Variants in CLPB observed in about 807,000 individuals in gnomAD.
CLPB encodes the protein ClpB family mitochondrial disaggregase.
CLPB carries 40 observed loss-of-function variants against 78.4 expected under a neutral mutation model. That is an observed-to-expected ratio of 0.51 (90% CI 0.40 to 0.66). CLPB has a LOEUF of 0.66. Ranked by LOEUF, CLPB falls within the 30% of genes least tolerant of loss-of-function variation. The probability of loss-of-function intolerance (pLI) is 0.00; values close to 1 mark genes in which losing one functional copy is unlikely to be tolerated. For synonymous variants in CLPB, 333 were observed against 348.0 expected (o/e 0.96, Z 0.48); for missense variants, 780 against 886.9 (o/e 0.88, Z 1.53).
chr11:72,356,180 AG>A (rs1950709552), intron 5 of CLPB, among the ~76,000 whole-genome samples: 1 of 151,650 alleles, frequency 6.6e-6, no homozygotes, highest in Non-Finnish European at 1.5e-5. Flanking sequence ...GCTACTTGGG[AG>A]GCTGAAGGTA....
Position 72,293,363 on chromosome 11 carries a change from G to T in CLPB, c.*4C>A. On this transcript the variant is annotated 3_prime_UTR_variant, in exon 16 of 16. Coordinates refer to ENST00000538039, the MANE Select transcript of CLPB (RefSeq NM_001258392.3). ...GAGGGCACATAGGAGCAGGCAGGTG[G>T]CTGCTAGATGGTGTTGCACACCTTC... 6.2e-7 allele frequency: 1 copy of T among 1,611,864 alleles called. No individual in the cohort carries two copies. Among genetic ancestry groups the T allele is most frequent in the Non-Finnish European group, 8.5e-7 (1 of 1,178,158 alleles).
At chr11:72,387,472 C>T (rs1855112651) in intron 3 of CLPB, among the ~76,000 whole-genome samples, 1 of 152,126 alleles carries the variant, frequency 6.6e-6, no homozygotes, top group Non-Finnish European at 1.5e-5. Flanking sequence ...ATTGGGAAGA[C>T]AGCATGGCAT....
chr11:72,349,405 G>T (rs1950572859), intron 5 of CLPB, among the ~76,000 whole-genome samples: 2 of 152,194 alleles, frequency 1.3e-5, no homozygotes, highest in African/African-American at 4.8e-5. Context: ...AGGAGTCTGT[G>T]GTCCAAACCT....
At chr11:72,416,443 T>C (rs1856023994) in intron 2 of CLPB, among the ~76,000 whole-genome samples, 1 of 152,082 alleles carries the variant, frequency 6.6e-6, no homozygotes, top group South Asian at 2.1e-4. Flanking sequence ...AATGAATAAA[T>C]GCCAAAGAAT....
At chr11:72,297,655 G>GTGTGTGTGTC (rs1949577218) in intron 11 of CLPB, among the ~76,000 whole-genome samples, 1 of 96,788 alleles carries the variant, frequency 1.0e-5, no homozygotes, top group African/African-American at 7.3e-5. Context: ...GTGTGTGTGT[G>GTGTGTGTGTC]TGTGTGTGTG....
chr11:72,295,423 C>G (rs1949532444), intron 12 of CLPB, 69 bp downstream of exon 12: 1 of 1,564,220 alleles, frequency 6.4e-7, no homozygotes, highest in Non-Finnish European at 8.7e-7. Context: ...GGCCCCAATC[C>G]CATCCTTCCC....
intron 4 of CLPB, among the ~76,000 whole-genome samples, chr11:72,359,724 TC>T (rs1950797000): frequency 6.6e-6 from 1 of 152,208 alleles, no homozygotes; most frequent in African/African-American, 2.4e-5. Context: ...TGTGTGTGTA[TC>T]CCCTATAAAA....
At chr11:72,411,881 A>C (rs148269082) in intron 2 of CLPB, 1 of 152,384 alleles carries the variant, frequency 6.6e-6, no homozygotes, top group African/African-American at 2.4e-5. Context: ...TCCCACCTGC[A>C]TCAGAGGCCT....
At chr11:72,349,197 C>T (rs1378417216) in intron 5 of CLPB, among the ~76,000 whole-genome samples, 3 of 152,156 alleles carry the variant, frequency 2.0e-5, no homozygotes, top group Admixed American at 6.5e-5. Flanking sequence ...AATTGAAGCT[C>T]AGTACGGGGG....
chr11:72,339,597 TTC>T (rs1950382075), intron 5 of CLPB, among the ~76,000 whole-genome samples: 1 of 152,240 alleles, frequency 6.6e-6, no homozygotes, highest in Non-Finnish European at 1.5e-5. Flanking sequence ...CAGATTTTTT[TTC>T]AAGATTAATT....
intron 5 of CLPB, among the ~76,000 whole-genome samples, chr11:72,343,863 G>A (rs745815543): frequency 6.6e-6 from 1 of 152,168 alleles, no homozygotes; most frequent in Non-Finnish European, 1.5e-5. Context: ...GATCTTTATT[G>A]TGATACCCTG....
chr11:72,294,160 T>G (rs1949505003), intron 14 of CLPB, 34 bp from the exon 15 acceptor site: 1 of 1,608,634 alleles, frequency 6.2e-7, no homozygotes, highest in Non-Finnish European at 8.5e-7. Flanking sequence ...TGCCTGCATG[T>G]GGCCCACTGC....
At chr11:72,385,815 C>T (rs1430652136) in intron 3 of CLPB, among the ~76,000 whole-genome samples, 1 of 152,132 alleles carries the variant, frequency 6.6e-6, no homozygotes, top group African/African-American at 2.4e-5. Flanking sequence ...CAGCAAGACG[C>T]CGTCTCAAAC....
intron 14 of CLPB, 32 bp from the exon 15 acceptor site, chr11:72,294,158 T>G: frequency 1.2e-6 from 2 of 1,609,078 alleles, no homozygotes; most frequent in East Asian, 4.5e-5. Context: ...CATGCCTGCA[T>G]GTGGCCCACT....
At chr11:72,382,760 C>A (rs1854955177) in intron 3 of CLPB, among the ~76,000 whole-genome samples, 2 of 152,170 alleles carry the variant, frequency 1.3e-5, no homozygotes, top group Non-Finnish European at 2.9e-5. Context: ...TAAGTTCCTA[C>A]TTTTTCACAT....
chr11:72,413,243 C>T (rs57380316), intron 2 of CLPB, among the ~76,000 whole-genome samples: 15,304 of 151,850 alleles, frequency 0.1, 1,344 homozygotes, highest in African/African-American at 0.24. Context: ...GAGCCGAGAT[C>T]GTGCTATTGC....
chr11:72,400,131 T>G (rs1309715225), intron 3 of CLPB, among the ~76,000 whole-genome samples: 2 of 152,216 alleles, frequency 1.3e-5, no homozygotes, highest in Admixed American at 6.5e-5. Flanking sequence ...GGACCACAAC[T>G]AATACAGAAA....
intron 2 of CLPB, among the ~76,000 whole-genome samples, chr11:72,421,846 C>T (rs887706488): frequency 1.3e-5 from 2 of 152,226 alleles, no homozygotes; most frequent in Non-Finnish European, 2.9e-5. Flanking sequence ...AAGCCACATA[C>T]CCCAGAAAAG....
chr11:72,362,958 C>G lies in CLPB; in HGVS notation c.647-3950G>C, dbSNP rs1427508674. On this transcript the variant is annotated intron_variant, in intron 4 of 15. Coordinates refer to ENST00000538039, the MANE Select transcript of CLPB (RefSeq NM_001258392.3). ...ATCGCTTGAGCTCAGAAGTGTAAGA[C>G]CAGCGTGGGCAACATGGCGAAACAC... is the stretch of plus-strand genomic sequence containing the variant. 1.3e-5 allele frequency among the ~76,000 whole-genome samples: 2 copies of G among 152,102 alleles called. 1 individual carries two copies.
Sources: gnomAD v4.1 joint callset for allele counts (sites outside exome capture counted in the v4.1 genomes callset) on GRCh38, gnomAD v4.1.1 for gene constraint, MANE v1.5 for transcripts, NCBI Gene and HGNC (gene_info 2026-07-23, HGNC 2026-07-21) for gene names.